TAF1D: variants seen among roughly 807,000 people sequenced by gnomAD.
The protein encoded by TAF1D is TATA-box binding protein associated factor, RNA polymerase I subunit D.
Under a neutral mutation model 26.2 loss-of-function variants are expected in TAF1D, and 23 were observed. That is an observed-to-expected ratio of 0.88 (90% CI 0.63 to 1.25). The LOEUF (loss-of-function observed/expected upper bound fraction) is 1.25, where lower values mean the gene tolerates loss of function less well. Among genes scored for constraint, TAF1D ranks in the 50% most tolerant of loss-of-function variants. The pLI, the probability that TAF1D is intolerant of heterozygous loss-of-function variation, is 0.00. For synonymous variants in TAF1D, 100 were observed against 105.6 expected (o/e 0.95, Z 0.33); for missense variants, 299 against 322.0 (o/e 0.93, Z 0.55).
rs182766439 is a variant in TAF1D, at chr11:93,735,681, T to C, written c.*480A>G. On this transcript the variant is annotated 3_prime_UTR_variant, in exon 6 of 6. Transcript: ENST00000448108. Reference sequence around the variant, plus strand: ...GAGACTCTGTCTAAAAAAAATAGTATTAAAGATACTCTAAATTTGGAAAGG... The same window carrying C: ...GAGACTCTGTCTAAAAAAAATAGTACTAAAGATACTCTAAATTTGGAAAGG... 886 of 1,007,136 alleles carry C rather than the reference T, an allele frequency of 8.8e-4. 8 individuals carry two copies. In the African/African-American group the frequency reaches 0.014, roughly 16 times the overall value. The allele number at this position is 1,007,136 out of a possible 1,614,324, so 62.4% of individuals were successfully genotyped here. A position where few individuals can be genotyped will look rare whatever the true frequency, so the allele number is the denominator to read the frequency against.
At chr11:93,740,602 A>G (rs1941775634) in intron 1 of TAF1D, among the ~76,000 whole-genome samples, 1 of 152,084 alleles carries the variant, frequency 6.6e-6, no homozygotes, top group African/African-American at 2.4e-5. Context: ...AACTAGCAAA[A>G]TATTTAAAAT....
At chr11:93,739,661 T>G (rs1210261665) in intron 1 of TAF1D, among the ~76,000 whole-genome samples, 1 of 152,156 alleles carries the variant, frequency 6.6e-6, no homozygotes, top group East Asian at 1.9e-4. Context: ...ACCAATACAG[T>G]ATTAATGTAC....
Position 93,737,207 on chromosome 11 carries a change from A to C in TAF1D, c.492T>G (p.Ile164Met). 1 of 1,605,732 alleles carries C rather than the reference A, an allele frequency of 6.2e-7. No homozygotes were observed. Among genetic ancestry groups the C allele is most frequent in the Non-Finnish European group, 8.5e-7 (1 of 1,176,970 alleles). The change falls in exon 4 of 6, where the codon ATT becomes ATG. Residue 164 changes from isoleucine (I) to methionine (M), a missense_variant. By Grantham distance (10) the Ile-to-Met change is conservative. Transcript: ENST00000448108. ...QAVARGFFNY[I>M]EKLKYEHHLK... The stretch of plus-strand genomic sequence containing the variant: ...GGTGGTGTTCATACTTCAGTTTTTC[A>C]ATATAGTTAAAAAATCCTCTTGCAA...
rs1467831873 is a variant in TAF1D at position 93,735,671 on chromosome 11, A to G, written c.*490T>C. The G allele has an allele frequency of 5.0e-6, 5 of 1,000,466 alleles. No individual in the cohort carries two copies. The highest frequency in any genetic ancestry group is 4.8e-6 in the Non-Finnish European group (4 of 839,010). 62.0% of individuals were successfully genotyped at this position (1,000,466 alleles called of 1,614,324 possible). ...GTGACAGATCGAGACTCTGTCTAAA[A>G]AAAATAGTATTAAAGATACTCTAAA... is the stretch of plus-strand genomic sequence containing the variant. On this transcript the variant is annotated 3_prime_UTR_variant, in exon 6 of 6. Coordinates refer to ENST00000448108, the MANE Select transcript of TAF1D (RefSeq NM_024116.4).
downstream of TAF1D, chr11:93,735,284 T>A (rs764736288): frequency 1.6e-6 from 2 of 1,287,818 alleles, no homozygotes; most frequent in African/African-American, 3.0e-5. Flanking sequence ...ATCGTGGTGA[T>A]CAAAATAATG....
At position 93,737,092 on chromosome 11, in the gene TAF1D, CA is replaced by C; in HGVS notation, c.606del (p.Asp202GlufsTer35). ...DSRRYKFLDDDGSISPIEEST... is the reference protein window; with the variant it reads ...DSRRYKFLDDXGSISPIEEST... ...GACTCCTCAATAGGAGAAATGGATC[CA>C]TCATCATCCAAAAATTTGTATCTAC... is the stretch of plus-strand genomic sequence containing the variant. On this transcript the variant is annotated frameshift_variant, in exon 4 of 6. Transcript: ENST00000448108. LOFTEE classifies it high-confidence loss of function. 6.2e-7 allele frequency: 1 copy of C among 1,605,894 alleles called. No individual in the cohort carries two copies.
rs1414898214 is a variant in TAF1D, at chr11:93,736,258, A to G, written c.740T>C (p.Val247Ala). Residue 247 changes from valine to alanine, a missense_variant, in exon 6 of 6, where the codon GTA becomes GCA. Physicochemically the swap from Val to Ala is moderately conservative, Grantham distance 64 (BLOSUM62 0). Transcript: ENST00000448108. ...VSSEFPVRLSVYLEEEDITEE... is the reference protein window; with the variant it reads ...VSSEFPVRLSAYLEEEDITEE... ...AGTAATATCCTCTTCTTCTAAGTAT[A>G]CACTCAGTCTTACAGGGAATTCAGA... The G allele has an allele frequency of 1.2e-6, 2 of 1,613,102 alleles. No individual in the cohort carries two copies. The highest frequency in any genetic ancestry group is 1.7e-6 in the Non-Finnish European group (2 of 1,179,726).
chr11:93,735,018 T>C, downstream of TAF1D: 1 of 1,226,970 alleles, frequency 8.2e-7, no homozygotes, highest in Non-Finnish European at 1.1e-6. Context: ...CCCACCTTGG[T>C]GTGGGGATTG....
chr11:93,731,409 A>G (rs182679119), downstream of TAF1D: 1,217 of 480,458 alleles, frequency 2.5e-3, 18 homozygotes, highest in East Asian at 3.9e-3. Context: ...ATGCCCATTC[A>G]TATCCGAATT....
At chr11:93,737,997 A>C (rs931205378) in intron 3 of TAF1D, 112 bp downstream of exon 3, 1 of 1,299,472 alleles carries the variant, frequency 7.7e-7, no homozygotes, top group Admixed American at 2.6e-5. Flanking sequence ...GAAGAGTATC[A>C]AAATTGCAGA....
At chr11:93,732,379 A>T, downstream of TAF1D, 1 of 519,044 alleles carries the variant, frequency 1.9e-6, no homozygotes, top group Non-Finnish European at 3.8e-6. Flanking sequence ...CAGTAGAAAT[A>T]CCAGGTTTAA....
intron 1 of TAF1D, 65 bp downstream of exon 1, chr11:93,741,257 C>T: frequency 2.2e-6 from 1 of 453,044 alleles, no homozygotes; most frequent in Non-Finnish European, 4.4e-6. Flanking sequence ...CCCCGGGAAA[C>T]CCCAGATATG....
chr11:93,737,726 A>G (rs1941088897), intron 3 of TAF1D, among the ~76,000 whole-genome samples: 1 of 152,214 alleles, frequency 6.6e-6, no homozygotes, highest in Non-Finnish European at 1.5e-5. Flanking sequence ...CTAGGCCTTA[A>G]GAATATATCC....
At chr11:93,730,876 A>C, downstream of TAF1D, 1 of 438,098 alleles carries the variant, frequency 2.3e-6, no homozygotes, top group African/African-American at 2.0e-5. Flanking sequence ...GCAAATTTGC[A>C]TGATTCAAGA....
downstream of TAF1D, chr11:93,731,743 AT>A (rs1938974113): frequency 2.8e-6 from 1 of 351,766 alleles, no homozygotes; most frequent in Non-Finnish European, 5.6e-6. Context: ...TAAGTAATGA[AT>A]TAACTTACCA....
At chr11:93,730,955 A>ATTGCATTTCTATTACAGTTAATC (rs1938551364), downstream of TAF1D, 1 of 497,196 alleles carries the variant, frequency 2.0e-6, no homozygotes, top group Non-Finnish European at 3.9e-6. Context: ...TTTTATTTGT[A>ATTGCATTTCTATTACAGTTAATC]TTGCATTTCT....
chr11:93,734,540 C>A, downstream of TAF1D: 1 of 444,820 alleles, frequency 2.2e-6, no homozygotes. Context: ...TAGAAATGTC[C>A]CTGAATAAAA....
chr11:93,732,124 G>GA (rs1939186169), downstream of TAF1D: 1 of 518,308 alleles, frequency 1.9e-6, no homozygotes, highest in African/African-American at 1.9e-5. Flanking sequence ...CCATTCTCTA[G>GA]AATGAGGCAT....
chr11:93,738,586 C>T, intron 2 of TAF1D, 87 bp from the exon 3 acceptor site: 3 of 1,337,116 alleles, frequency 2.2e-6, no homozygotes, highest in South Asian at 3.3e-5. Flanking sequence ...ACATTTCTTC[C>T]AAGACCAACT....
Sources: gnomAD v4.1 joint callset for allele counts (sites outside exome capture counted in the v4.1 genomes callset) on GRCh38, gnomAD v4.1.1 for gene constraint, MANE v1.5 for transcripts, NCBI Gene and HGNC (gene_info 2026-07-23, HGNC 2026-07-21) for gene names.